Variants in GPR160 observed in about 807,000 individuals in gnomAD.
GPR160 encodes G protein-coupled receptor 160.
Under a neutral mutation model 2.6 loss-of-function variants are expected in GPR160, and 2 were observed. The observed-to-expected ratio is 0.77, with a 90% confidence interval of 0.32 to 2.44. The LOEUF (loss-of-function observed/expected upper bound fraction) is 2.44. Among genes scored for constraint, GPR160 ranks in the 30% most tolerant of loss-of-function variants. GPR160 has a pLI of 0.11. For synonymous variants in GPR160, 130 were observed against 132.2 expected, an observed-to-expected ratio of 0.98 and a Z score of 0.12; for missense variants, 351 against 383.6, an observed-to-expected ratio of 0.91 and a Z score of 0.71.
chr3:170,057,327 C>A (rs1003391436), intron 2 of GPR160: 1 of 152,104 alleles, frequency 6.6e-6, no homozygotes, highest in African/African-American at 2.4e-5. Flanking sequence ...CATTTCATAG[C>A]CAGTGAAGTT....
chr3:170,083,745 A>C (rs11918887), intron 3 of GPR160, among the ~76,000 whole-genome samples, 160 bp from the exon 4 acceptor site: 1,845 of 152,284 alleles, frequency 0.012, 30 homozygotes, highest in African/African-American at 0.042. Flanking sequence ...TATACACATT[A>C]ATTTTGTTCT....
At chr3:170,044,965 TTTCGG>T (rs1304204005) in intron 2 of GPR160, among the ~76,000 whole-genome samples, 2 of 152,148 alleles carry the variant, frequency 1.3e-5, no homozygotes, top group African/African-American at 2.4e-5. Context: ...GCCTTGAAAC[TTTCGG>T]TTAAGGGTCA....
rs1487946770 is a variant in GPR160 at position 170,084,102 on chromosome 3, G to C, written c.130G>C (p.Gly44Arg). Residue 44 changes from glycine (G) to arginine (R), a missense_variant, in exon 4 of 4, where the codon GGA (glycine) becomes CGA (arginine). Physicochemically the swap from Gly to Arg is moderately radical, Grantham distance 125. Transcript: ENST00000355897. ...GKILLNILTL[G>R]MRRKNTCQNF... ...AATATTATTAAATATCCTTACACTA[G>C]GAATGAGAAGAAAAAACACCTGTCA... The C allele has an allele frequency of 6.3e-7, 1 of 1,594,844 alleles. No homozygotes were observed.
chr3:170,043,281 A>G (rs529878411), intron 2 of GPR160, among the ~76,000 whole-genome samples: 1 of 152,204 alleles, frequency 6.6e-6, no homozygotes, highest in Non-Finnish European at 1.5e-5. Flanking sequence ...TCCTGGGTTC[A>G]AGCAGTTCTC....
chr3:170,073,612 TGGCC>T (rs1712705944), intron 2 of GPR160, among the ~76,000 whole-genome samples: 2 of 152,222 alleles, frequency 1.3e-5, no homozygotes, highest in Admixed American at 1.3e-4. Context: ...AAGTTTCCAT[TGGCC>T]ATGATGTATT....
At chr3:170,079,020 T>C (rs546672564) in intron 2 of GPR160, among the ~76,000 whole-genome samples, 78 of 152,192 alleles carry the variant, frequency 5.1e-4, no homozygotes, top group African/African-American at 1.9e-3. Flanking sequence ...TTCACTTGTG[T>C]TGTCCAGAAA....
chr3:170,082,362 C>G (rs546329372), intron 3 of GPR160, among the ~76,000 whole-genome samples: 1 of 152,106 alleles, frequency 6.6e-6, no homozygotes, highest in African/African-American at 2.4e-5. Context: ...TTCCTCCTAT[C>G]CTGAGAAACA....
At chr3:170,043,821 G>A (rs574569266) in intron 2 of GPR160, among the ~76,000 whole-genome samples, 2 of 152,088 alleles carry the variant, frequency 1.3e-5, no homozygotes, top group South Asian at 2.1e-4. Context: ...CTGAGTGAGC[G>A]TTGAAAATTG....
intron 3 of GPR160, among the ~76,000 whole-genome samples, chr3:170,080,665 G>T (rs999877101): frequency 4.6e-5 from 7 of 152,170 alleles, no homozygotes; most frequent in Non-Finnish European, 5.9e-5. Flanking sequence ...AGTCAATGAT[G>T]AAACGGGAAC....
intron 2 of GPR160, among the ~76,000 whole-genome samples, chr3:170,042,827 T>A (rs1425267117): frequency 8.3e-5 from 10 of 120,012 alleles, no homozygotes; most frequent in Non-Finnish European, 1.8e-4. Flanking sequence ...ACTCTCTCTC[T>A]TAAAAAAAAA....
intron 2 of GPR160, among the ~76,000 whole-genome samples, chr3:170,064,291 C>A (rs1359414835): frequency 6.6e-6 from 1 of 152,164 alleles, no homozygotes; most frequent in African/African-American, 2.4e-5. Context: ...ACGGCTCCTG[C>A]GAGGTCGCAG....
rs1198777151 is a variant in GPR160 at position 170,077,096 on chromosome 3, C to CTT, written c.-192-2678_-192-2677insTT. 2.0e-5 allele frequency: 3 copies of CTT among 152,268 alleles called. No individual in the cohort carries two copies. In the East Asian group the frequency reaches 5.8e-4, roughly 29 times the overall value. The allele number at this position is 152,268 out of a possible 1,614,324, so 9.4% of individuals were successfully genotyped here. A position where few individuals can be genotyped will look rare whatever the true frequency, so the allele number is the denominator to read the frequency against. On this transcript the variant is annotated intron_variant, in intron 2 of 3. Transcript: ENST00000355897. The stretch of plus-strand genomic sequence containing the variant: ...AGAATTAGAAAAACAGTATGTAAAA[C>CTT]CCCTGATAAGGCTATTTCTCCCACA...
At chr3:170,065,068 GT>G (rs1164205793) in intron 2 of GPR160, among the ~76,000 whole-genome samples, 2 of 151,964 alleles carry the variant, frequency 1.3e-5, no homozygotes, top group African/African-American at 4.8e-5. Flanking sequence ...TGTTGTACCT[GT>G]TTGTGGTTTA....
chr3:170,066,350 A>G (rs892029714), intron 2 of GPR160, among the ~76,000 whole-genome samples: 4 of 151,932 alleles, frequency 2.6e-5, no homozygotes, highest in Non-Finnish European at 4.4e-5. Context: ...CATGTTAGCC[A>G]GGATGGTCTC....
intron 2 of GPR160, chr3:170,077,702 A>G (rs923990863): frequency 6.6e-6 from 1 of 152,232 alleles, no homozygotes; most frequent in African/African-American, 2.4e-5. Context: ...TTTCGGCATT[A>G]TGTCTGTACT....
Position 170,083,920 on chromosome 3 carries a change from C to A in GPR160, c.-53C>A. ...TTTTTTGCAGGGACAGAAAATGAAGCAGTGTTTTATCATGTGTATTTCAGC... is the reference window on the plus strand; with the variant it reads ...TTTTTTGCAGGGACAGAAAATGAAGAAGTGTTTTATCATGTGTATTTCAGC... On this transcript the variant is annotated 5_prime_UTR_variant, in exon 4 of 4. Coordinates refer to ENST00000355897, the MANE Select transcript of GPR160 (RefSeq NM_014373.3). 1.0e-6 allele frequency: 1 copy of A among 962,396 alleles called. No individual in the cohort carries two copies. Among genetic ancestry groups the A allele is most frequent in the Non-Finnish European group, 1.5e-6 (1 of 687,408 alleles). 59.6% of individuals were successfully genotyped at this position (962,396 alleles called of 1,614,324 possible).
intron 2 of GPR160, among the ~76,000 whole-genome samples, chr3:170,056,911 T>C (rs1411345180): frequency 6.6e-6 from 1 of 152,206 alleles, no homozygotes; most frequent in Non-Finnish European, 1.5e-5. Context: ...ACATCAGTGC[T>C]CTAGTTAATA....
chr3:170,064,346 C>T (rs1712177731), intron 2 of GPR160, among the ~76,000 whole-genome samples: 1 of 152,066 alleles, frequency 6.6e-6, no homozygotes, highest in African/African-American at 2.4e-5. Flanking sequence ...ATCCCCCAAC[C>T]CGAACTGCGG....
At chr3:170,077,307 C>A (rs1171272456) in intron 2 of GPR160, 1 of 151,854 alleles carries the variant, frequency 6.6e-6, no homozygotes, top group Admixed American at 6.5e-5. Context: ...TATAAAAACA[C>A]TTGAAGTTTT....
Sources: allele counts gnomAD v4.1 joint callset (sites outside exome capture counted in the v4.1 genomes callset), GRCh38; gene constraint gnomAD v4.1.1; transcripts MANE v1.5; gene names NCBI Gene and HGNC (gene_info 2026-07-23, HGNC 2026-07-21).